Variants in TP53BP1 observed in about 807,000 individuals in gnomAD.
The protein encoded by TP53BP1 is TP53-binding protein 1.
Under a neutral mutation model 200.8 loss-of-function variants are expected in TP53BP1, and 61 were observed. The ratio of observed to expected loss-of-function variants is 0.30; its 90% CI spans 0.25 to 0.38. TP53BP1 has a LOEUF of 0.38. TP53BP1 is among the 10% of genes least tolerant of loss of function. The pLI is 1.00. For synonymous variants in TP53BP1, 822 were observed against 844.3 expected (o/e 0.97, Z 0.46); for missense variants, 2,144 against 2,371.9 (o/e 0.90, Z 2.00).
chr15:43,507,754 T>G (rs1403719026), intron 1 of TP53BP1, among the ~76,000 whole-genome samples: 1 of 152,098 alleles, frequency 6.6e-6, no homozygotes, highest in Non-Finnish European at 1.5e-5. Context: ...ATAAGAGGCT[T>G]GCTCTGTTGC....
chr15:43,479,524 T>C lies in TP53BP1; in HGVS notation c.661A>G (p.Ile221Val), dbSNP rs938665748. 6.2e-7 allele frequency: 1 copy of C among 1,606,290 alleles called. No homozygotes were observed. The highest frequency in any genetic ancestry group is 8.5e-7 in the Non-Finnish European group (1 of 1,177,634). Residue 221 changes from isoleucine to valine, a missense_variant and splice_region_variant, in exon 7 of 28, where the codon ATT (isoleucine) becomes GTT (valine). This residue lies in a region of TP53BP1 where 1,700 missense variants were observed against 1,710.3 expected (regional missense o/e 0.99). Transcript: ENST00000382044. ...TCGTTGGACTGTTCTTCATGCTTAA[T>C]TGCTGAGAGTTTTATAAAATGACAG... ...RLSDVDANTA[I>V]KHEEQSNEDI...
At chr15:43,488,856 T>C (rs2079082869) in intron 4 of TP53BP1, among the ~76,000 whole-genome samples, 1 of 152,110 alleles carries the variant, frequency 6.6e-6, no homozygotes, top group South Asian at 2.1e-4. Context: ...ATCACACCAT[T>C]GCACTCCAGC....
intron 15 of TP53BP1, 170 bp downstream of exon 15, chr15:43,441,353 TAAA>T: frequency 1.9e-6 from 1 of 514,450 alleles, no homozygotes. Context: ...TCACTGAACT[TAAA>T]AAAGTATTAA....
chr15:43,493,296 C>T (rs1400320870), upstream of TP53BP1: 2 of 1,275,212 alleles, frequency 1.6e-6, no homozygotes, highest in Non-Finnish European at 2.1e-6. Context: ...CGGCGCGTTT[C>T]CATGGCAGCA....
chr15:43,500,844 G>A (rs2079205936), intron 1 of TP53BP1, among the ~76,000 whole-genome samples: 1 of 151,234 alleles, frequency 6.6e-6, no homozygotes. Flanking sequence ...AAAATAAAGA[G>A]AATATTTTAA....
chr15:43,405,205 C>A lies in TP53BP1; in HGVS notation c.*2178G>T. The stretch of plus-strand genomic sequence containing the variant: ...AGGCTCTTTTTCTCTTTTGTAGTTT[C>A]GGGATGTGAAAATTTCTGGCTCATA... On this transcript the variant is annotated 3_prime_UTR_variant, in exon 28 of 28. Transcript: ENST00000382044. 6.2e-7 allele frequency: 1 copy of A among 1,614,082 alleles called. No individual in the cohort carries two copies. The highest frequency in any genetic ancestry group is 8.5e-7 in the Non-Finnish European group (1 of 1,179,974).
At chr15:43,413,801 C>T (rs961810140) in intron 23 of TP53BP1, among the ~76,000 whole-genome samples, 2 of 151,506 alleles carry the variant, frequency 1.3e-5, no homozygotes, top group African/African-American at 2.4e-5. Flanking sequence ...AAAAAAAAAC[C>T]CAACACTTTT....
chr15:43,421,901 C>T lies in TP53BP1; in HGVS notation c.4054G>A (p.Ala1352Thr), dbSNP rs139105949. Residue 1352 changes from alanine (A) to threonine (T), a missense_variant, in exon 19 of 28, where the codon GCA becomes ACA. Ala to Thr is a moderately conservative substitution (Grantham distance 58). Around this residue, in one of 4 missense-constraint regions of TP53BP1, gnomAD observed 1,700 missense variants for 1,710.3 expected, o/e 0.99. Coordinates refer to ENST00000382044, the MANE Select transcript of TP53BP1 (RefSeq NM_001141980.3). ...LRGKTSGTEP[A>T]DFALPSSRGG... ...CGGGAGCTGGGTAAGGCAAAATCTGCGGGTTCTGTCCCGCTGGTTTTCCCT... is the reference window on the plus strand; with the variant it reads ...CGGGAGCTGGGTAAGGCAAAATCTGTGGGTTCTGTCCCGCTGGTTTTCCCT... 14 of 1,614,080 alleles carry T rather than the reference C, an allele frequency of 8.7e-6. No homozygotes were observed. Among genetic ancestry groups the T allele is most frequent in the African/African-American group, 6.7e-5 (5 of 74,912 alleles).
chr15:43,452,514 G>A (rs1044436299), intron 12 of TP53BP1, among the ~76,000 whole-genome samples: 2 of 152,022 alleles, frequency 1.3e-5, no homozygotes, highest in African/African-American at 4.8e-5. Flanking sequence ...AGTGAACATT[G>A]ATGGTGCCAC....
rs140165556 is a variant in TP53BP1, at chr15:43,446,410, T to C, written c.3017A>G (p.Glu1006Gly). Residue 1006 changes from glutamate to glycine, a missense_variant, in exon 14 of 28, where the codon GAG (glutamate) becomes GGG (glycine). By Grantham distance (98) the Glu-to-Gly change is moderately conservative (BLOSUM62 -2). Transcript: ENST00000382044. Reference protein sequence around the residue: ...LVSPETEASEESLQFNLEKPA... With the variant: ...LVSPETEASEGSLQFNLEKPA... ...ACTTTCCAGGTTGAACTGCAAAGAC[T>C]CTTCACTCGCCTCAGTCTCAGGACT... is the stretch of plus-strand genomic sequence containing the variant. 1.9e-4 allele frequency: 304 copies of C among 1,614,042 alleles called. No homozygotes were observed. The highest frequency in any genetic ancestry group is 3.7e-4 in the Admixed American group (22 of 60,000).
chr15:43,410,804 C>G (rs557266826), intron 24 of TP53BP1, among the ~76,000 whole-genome samples: 1 of 152,118 alleles, frequency 6.6e-6, no homozygotes, highest in South Asian at 2.1e-4. Flanking sequence ...CAGGCACCGC[C>G]GAGGCCCCAG....
chr15:43,430,993 TA>T (rs1257455940), intron 17 of TP53BP1, among the ~76,000 whole-genome samples: 1 of 151,790 alleles, frequency 6.6e-6, no homozygotes, highest in Non-Finnish European at 1.5e-5. Flanking sequence ...GGGGTGAGAG[TA>T]AAACAAGGGT....
At chr15:43,411,282 T>G (rs2045108071) in intron 24 of TP53BP1, among the ~76,000 whole-genome samples, 1 of 152,210 alleles carries the variant, frequency 6.6e-6, no homozygotes, top group Admixed American at 6.5e-5. Flanking sequence ...GATGCTAAAA[T>G]GAATAGGTTG....
rs777106345 is a variant in TP53BP1, at chr15:43,420,719, C to G, written c.4267G>C (p.Gly1423Arg). 6.2e-7 allele frequency: 1 copy of G among 1,613,494 alleles called. No individual in the cohort carries two copies. The highest frequency in any genetic ancestry group is 1.1e-5 in the South Asian group (1 of 90,992). Residue 1423 changes from glycine to arginine, a missense_variant, in exon 21 of 28, where the codon GGC becomes CGC. Gly to Arg is a moderately radical substitution (Grantham distance 125). Around this residue, in one of 4 missense-constraint regions of TP53BP1, gnomAD observed 1,700 missense variants for 1,710.3 expected, o/e 0.99. Coordinates refer to ENST00000382044, the MANE Select transcript of TP53BP1 (RefSeq NM_001141980.3). ...GAAATGTCCTCTATGCCCAAGGGGC[C>G]AGGCACAGCTGTTTCTCTAAAGAGA... ...TTGTRETAVP[G>R]PLGIEDISPN...
chr15:43,443,715 G>C (rs1448367141), intron 14 of TP53BP1, among the ~76,000 whole-genome samples: 1 of 151,808 alleles, frequency 6.6e-6, no homozygotes, highest in Non-Finnish European at 1.5e-5. Context: ...ACAACAAAAA[G>C]AAACAAAAAG....
At chr15:43,451,091 CTCT>C (rs2046155717) in intron 12 of TP53BP1, among the ~76,000 whole-genome samples, 1 of 152,074 alleles carries the variant, frequency 6.6e-6, no homozygotes, top group Non-Finnish European at 1.5e-5. Flanking sequence ...CAAAAAAGTG[CTCT>C]TCTAATAGTA....
At chr15:43,441,085 A>G (rs554875336) in intron 15 of TP53BP1, among the ~76,000 whole-genome samples, 1 of 152,298 alleles carries the variant, frequency 6.6e-6, no homozygotes, top group African/African-American at 2.4e-5. Flanking sequence ...CAAAGCAAAA[A>G]TAACAGCTCA....
upstream of TP53BP1, among the ~76,000 whole-genome samples, chr15:43,494,979 A>T (rs972283790): frequency 6.7e-6 from 1 of 150,288 alleles, no homozygotes; most frequent in East Asian, 2.0e-4. Context: ...ACTTGAGCCC[A>T]GGAATTTGAG....
chr15:43,438,728 CAAAAAAAAAAAAA>C (rs397699362), intron 15 of TP53BP1, among the ~76,000 whole-genome samples: 9 of 21,648 alleles, frequency 4.2e-4, no homozygotes, highest in East Asian at 1.6e-3. Flanking sequence ...AAGCAAGAGG[CAAAAAAAAAAAAA>C]AAAAAAAAAA....
Sources: allele counts gnomAD v4.1 joint callset (sites outside exome capture counted in the v4.1 genomes callset), GRCh38; gene constraint gnomAD v4.1.1; regional missense constraint gnomAD v4.1.1; transcripts MANE v1.5; gene names NCBI Gene and HGNC (gene_info 2026-07-23, HGNC 2026-07-21).